UST: variants seen among roughly 807,000 people sequenced by gnomAD.
The protein encoded by UST is chondroitin sulfate 2-O-sulfotransferase.
A neutral mutation model predicts 45.6 loss-of-function variants in UST; 21 were observed. That is an observed-to-expected ratio of 0.46 (90% CI 0.33 to 0.66). The LOEUF (loss-of-function observed/expected upper bound fraction) is 0.66, where lower values mean the gene tolerates loss of function less well. Among genes scored for constraint, UST ranks in the 30% least tolerant of loss-of-function variants. The pLI, the probability that UST is intolerant of heterozygous loss-of-function variation, is 0.02. For missense variants in UST, 463 were observed against 512.4 expected (o/e 0.90, Z 0.93); for synonymous variants, 215 against 200.6 (o/e 1.07, Z -0.61).
At chr6:148,811,939 C>T (rs898327205) in intron 1 of UST, among the ~76,000 whole-genome samples, 8 of 152,188 alleles carry the variant, frequency 5.3e-5, no homozygotes, top group Non-Finnish European at 2.9e-5. Context: ...CGTTAATCTA[C>T]CACGATTATT....
At chr6:148,766,638 A>G (rs746433976) in intron 1 of UST, among the ~76,000 whole-genome samples, 29 of 152,264 alleles carry the variant, frequency 1.9e-4, no homozygotes, top group Non-Finnish European at 2.8e-4. Flanking sequence ...TCATGCCTGG[A>G]TATGGTTAGA....
intron 1 of UST, among the ~76,000 whole-genome samples, chr6:148,771,531 A>G (rs1469131466): frequency 6.6e-6 from 1 of 152,220 alleles, no homozygotes; most frequent in Non-Finnish European, 1.5e-5. Context: ...TTTTGTTAAA[A>G]TATAGTTGGA....
chr6:149,071,903 C>T (rs1449515221), intron 7 of UST, among the ~76,000 whole-genome samples: 1 of 152,070 alleles, frequency 6.6e-6, no homozygotes, highest in Non-Finnish European at 1.5e-5. Flanking sequence ...TGTCAAAAAG[C>T]ACATGAAAAG....
At chr6:148,992,320 C>T (rs1316889873) in intron 5 of UST, among the ~76,000 whole-genome samples, 2 of 151,992 alleles carry the variant, frequency 1.3e-5, no homozygotes, top group South Asian at 2.1e-4. Context: ...CTGGCCAACA[C>T]GGTGAAACCC....
chr6:148,832,395 T>C (rs1777705651), intron 1 of UST, among the ~76,000 whole-genome samples: 1 of 152,218 alleles, frequency 6.6e-6, no homozygotes, highest in African/African-American at 2.4e-5. Context: ...TTTTTTTTAA[T>C]CCTTGAAAAA....
intron 3 of UST, among the ~76,000 whole-genome samples, chr6:148,952,101 G>C (rs1246822915): frequency 2.0e-5 from 3 of 152,170 alleles, no homozygotes. Context: ...AAATAACCTA[G>C]AGATAAAAGT....
At chr6:148,983,595 A>G (rs1489918479) in intron 5 of UST, among the ~76,000 whole-genome samples, 1 of 152,254 alleles carries the variant, frequency 6.6e-6, no homozygotes, top group Non-Finnish European at 1.5e-5. Context: ...AACTCCTGCT[A>G]TCATGCTGCC....
chr6:148,858,128 G>T (rs1468093275), intron 1 of UST, among the ~76,000 whole-genome samples: 1 of 152,132 alleles, frequency 6.6e-6, no homozygotes, highest in African/African-American at 2.4e-5. Flanking sequence ...TATATGAAGG[G>T]AGTTTATTAA....
At chr6:148,873,515 T>A (rs1316756422) in intron 1 of UST, among the ~76,000 whole-genome samples, 1 of 152,154 alleles carries the variant, frequency 6.6e-6, no homozygotes, top group Non-Finnish European at 1.5e-5. Flanking sequence ...GACCCCACTT[T>A]GCTTAGGCCA....
At chr6:148,800,532 C>T (rs1562261916) in intron 1 of UST, among the ~76,000 whole-genome samples, 1 of 151,308 alleles carries the variant, frequency 6.6e-6, no homozygotes, top group African/African-American at 2.4e-5. Context: ...AGAGTTTGGG[C>T]TATCATCTGT....
chr6:148,889,744 C>T (rs1267365156), intron 2 of UST, among the ~76,000 whole-genome samples: 3 of 152,118 alleles, frequency 2.0e-5, no homozygotes, highest in African/African-American at 7.2e-5. Context: ...CTTTGGTCTT[C>T]CTGCTGGTCT....
At chr6:148,939,624 A>G (rs1400421721) in intron 2 of UST, among the ~76,000 whole-genome samples, 2 of 152,214 alleles carry the variant, frequency 1.3e-5, no homozygotes, top group African/African-American at 2.4e-5. Flanking sequence ...TAGAAAGAGG[A>G]GTCTTTTCAA....
At chr6:148,850,681 C>T (rs1331473841) in intron 1 of UST, among the ~76,000 whole-genome samples, 2 of 152,076 alleles carry the variant, frequency 1.3e-5, no homozygotes, top group Admixed American at 1.3e-4. Flanking sequence ...GGAAGTGCAG[C>T]CTCCAGGTTG....
intron 1 of UST, among the ~76,000 whole-genome samples, chr6:148,835,024 A>G (rs1435982996): frequency 6.6e-6 from 1 of 152,238 alleles, no homozygotes; most frequent in African/African-American, 2.4e-5. Flanking sequence ...ATTGAATTAA[A>G]TAGGAATATA....
At chr6:149,073,703 T>C in intron 7 of UST, 130 bp from the exon 8 acceptor site, 2 of 1,069,184 alleles carry the variant, frequency 1.9e-6, no homozygotes, top group South Asian at 1.6e-5. Context: ...CCTTCTTCTC[T>C]TCTAATACTT....
intron 5 of UST, among the ~76,000 whole-genome samples, chr6:149,010,422 G>T (rs62426147): frequency 6.6e-6 from 1 of 152,176 alleles, no homozygotes; most frequent in Non-Finnish European, 1.5e-5. Context: ...CAGAAGAAGT[G>T]CAGGGATATT....
intron 7 of UST, among the ~76,000 whole-genome samples, chr6:149,073,095 A>G (rs1039322817): frequency 6.6e-6 from 1 of 152,240 alleles, no homozygotes. Flanking sequence ...AAAATTAAGC[A>G]TATTTTAGTT....
chr6:148,900,123 C>T (rs1193238227), intron 2 of UST, among the ~76,000 whole-genome samples: 1 of 152,042 alleles, frequency 6.6e-6, no homozygotes, highest in Non-Finnish European at 1.5e-5. Context: ...CCAATTTATC[C>T]TTGAACTCTT....
rs568497668 is a variant in UST, at chr6:148,774,272, A to T, written c.247+26595A>T. ...CTGTTAAAGCGAACAAGGTTATTTT[A>T]TATATATATATATATATAAAAATAT... On this transcript the variant is annotated intron_variant, in intron 1 of 7. Coordinates refer to ENST00000367463, the MANE Select transcript of UST (RefSeq NM_005715.3). 3.2e-3 allele frequency among the ~76,000 whole-genome samples: 155 copies of T among 48,510 alleles called. 1 individual carries two copies. Among genetic ancestry groups the T allele is most frequent in the African/African-American group, 0.012 (149 of 12,810 alleles). The allele number at this position is 48,510 out of a possible 152,430, so 31.8% of individuals were successfully genotyped here.
Sources: allele counts gnomAD v4.1 joint callset (sites outside exome capture counted in the v4.1 genomes callset), GRCh38; gene constraint gnomAD v4.1.1; transcripts MANE v1.5; gene names NCBI Gene and HGNC (gene_info 2026-07-23, HGNC 2026-07-21).